Variants in SERBP1 observed in about 807,000 individuals in gnomAD.
The protein encoded by SERBP1 is SERPINE1 mRNA-binding protein 1.
SERBP1 carries 6 observed loss-of-function variants against 50.2 expected under a neutral mutation model. The observed-to-expected ratio is 0.12, with a 90% confidence interval of 0.07 to 0.24. The LOEUF (loss-of-function observed/expected upper bound fraction) is 0.24. SERBP1 is among the 10% of genes least tolerant of loss of function. The pLI, the probability that SERBP1 is intolerant of heterozygous loss-of-function variation, is 1.00. For missense variants in SERBP1, 346 were observed against 524.9 expected (o/e 0.66, Z 3.33); for synonymous variants, 168 against 182.8 (o/e 0.92, Z 0.65).
At position 67,424,265 on chromosome 1, in the gene SERBP1, T is replaced by C. The variant is rs1375387124; in HGVS notation, c.708A>G (p.Gln236=). 1.2e-6 allele frequency: 2 copies of C among 1,611,416 alleles called. No individual in the cohort carries two copies. The highest frequency in any genetic ancestry group is 1.1e-5 in the South Asian group (1 of 90,740). The change falls in exon 5 of 8, where the codon CAA becomes CAG. Residue 236 remains glutamine, a synonymous_variant. Transcript: ENST00000361219. ...CAGGTGTTTCCTCAGTCACATTTGATTGATCCAAGTCACTGTAATTATAAG... is the reference window on the plus strand; with the variant it reads ...CAGGTGTTTCCTCAGTCACATTTGACTGATCCAAGTCACTGTAATTATAAG... ...TVKDELTDLD[Q]SNVTEETPEG...
rs1666881361 is a variant in SERBP1, at chr1:67,412,692, T to C, written c.*515A>G. 1 of 152,794 alleles carries C rather than the reference T, an allele frequency of 6.5e-6. No homozygotes were observed. The highest frequency in any genetic ancestry group is 2.4e-5 in the African/African-American group (1 of 41,456). The allele number at this position is 152,794 out of a possible 1,614,324, so 9.5% of individuals were successfully genotyped here. On this transcript the variant is annotated 3_prime_UTR_variant, in exon 8 of 8. Transcript: ENST00000361219. ...AAAACTAAGTTAAAATACATATAGT[T>C]AGTATTCCACACAGCATAAAATTTG...
chr1:67,415,313 G>A lies in SERBP1; in HGVS notation c.978C>T (p.Asp326=), dbSNP rs140774364. Residue 326 remains aspartate (D), a synonymous_variant, in exon 7 of 8, where the codon GAC becomes GAT. Coordinates refer to ENST00000361219, the MANE Select transcript of SERBP1 (RefSeq NM_001018069.2). The part of the protein sequence containing the change: ...EEAHAEDSVM[D]HHFRKPANDI... The stretch of plus-strand genomic sequence containing the variant: ...CATTTGCTGGCTTCCGGAAATGATG[G>A]TCCATAACCGAATCTTCAGCATGAG... 8.1e-6 allele frequency: 13 copies of A among 1,599,792 alleles called. No homozygotes were observed. Among genetic ancestry groups the A allele is most frequent in the Admixed American group, 1.8e-5 (1 of 57,028 alleles).
At position 67,415,358 on chromosome 1, in the gene SERBP1, A is replaced by T; in HGVS notation, c.952-19T>A. On this transcript the variant is annotated intron_variant, in intron 6 of 7. Transcript: ENST00000361219. Reference sequence around the variant, plus strand: ...CATGAGCCTAAAAATATAAGTGAAGATGATTGTGTTATTAGTAGAAAAGTA... The same window carrying T: ...CATGAGCCTAAAAATATAAGTGAAGTTGATTGTGTTATTAGTAGAAAAGTA... 1 of 1,540,890 alleles carries T rather than the reference A, an allele frequency of 6.5e-7. No individual in the cohort carries two copies. Among genetic ancestry groups the T allele is most frequent in the Non-Finnish European group, 8.7e-7 (1 of 1,143,172 alleles).
chr1:67,415,028 TATAA>T (rs1451427854), intron 7 of SERBP1, 134 bp downstream of exon 7: 1 of 933,648 alleles, frequency 1.1e-6, no homozygotes, highest in Non-Finnish European at 1.5e-6. Flanking sequence ...TAAACATAAA[TATAA>T]CCTAACATGC....
Position 67,420,010 on chromosome 1 carries a change from T to G in SERBP1, c.950A>C (p.Glu317Ala), listed in dbSNP as rs375936718. ...GFVLHKSKSEEAHAEDSVMDH... is the reference protein window; with the variant it reads ...GFVLHKSKSEAAHAEDSVMDH... ...AAACACGACAAAACTTAATTTTACCTCTTCACTCTTTGATTTATGAAGAAC... is the reference window on the plus strand; with the variant it reads ...AAACACGACAAAACTTAATTTTACCGCTTCACTCTTTGATTTATGAAGAAC... The change falls in exon 6 of 8, where the codon GAG becomes GCG. Residue 317 changes from glutamate (E) to alanine (A), a missense_variant and splice_region_variant. Coordinates refer to ENST00000361219, the MANE Select transcript of SERBP1 (RefSeq NM_001018069.2). 6.2e-7 allele frequency: 1 copy of G among 1,613,066 alleles called. No homozygotes were observed. Among genetic ancestry groups the G allele is most frequent in the African/African-American group, 1.3e-5 (1 of 74,902 alleles).
chr1:67,412,231 G>C lies in SERBP1; in HGVS notation c.*976C>G, dbSNP rs551675820. On this transcript the variant is annotated 3_prime_UTR_variant, in exon 8 of 8. Transcript: ENST00000361219. ...TATGGATGTACCATTTTGATTTTGGGACCTTTCACACACAGAAATCATACC... is the reference window on the plus strand; with the variant it reads ...TATGGATGTACCATTTTGATTTTGGCACCTTTCACACACAGAAATCATACC... The C allele has an allele frequency of 2.0e-4, 30 of 152,686 alleles. No individual in the cohort carries two copies. The highest frequency in any genetic ancestry group is 1.8e-3 in the Admixed American group (28 of 15,292). 9.5% of individuals were successfully genotyped at this position (152,686 alleles called of 1,614,324 possible).
At chr1:67,425,430 G>A (rs933743308) in intron 2 of SERBP1, among the ~76,000 whole-genome samples, 13 of 152,198 alleles carry the variant, frequency 8.5e-5, no homozygotes, top group Non-Finnish European at 7.3e-5. Context: ...AACTATTTTA[G>A]CACTCTAAAG....
At chr1:67,417,771 G>A (rs1056078363) in intron 6 of SERBP1, among the ~76,000 whole-genome samples, 2 of 151,790 alleles carry the variant, frequency 1.3e-5, no homozygotes, top group Non-Finnish European at 2.9e-5. Flanking sequence ...TCAGCCTCCC[G>A]AAGTGCTGGG....
At chr1:67,424,501 A>G in intron 4 of SERBP1, 1 of 534,074 alleles carries the variant, frequency 1.9e-6, no homozygotes, top group Non-Finnish European at 3.2e-6. Flanking sequence ...TTCATACTTA[A>G]AAAGTAACAG....
rs900345446 is a variant in SERBP1 at position 67,410,330 on chromosome 1, C to T, written c.*2877G>A. 5 of 152,098 alleles carry T rather than the reference C, an allele frequency of 3.3e-5. No homozygotes were observed. The highest frequency in any genetic ancestry group is 1.2e-4 in the African/African-American group (5 of 41,408). 9.4% of individuals were successfully genotyped at this position (152,098 alleles called of 1,614,324 possible). A position where few individuals can be genotyped will look rare whatever the true frequency, so the allele number is the denominator to read the frequency against. ...AACTCCCTGTTCTATTTCAGTGCAA[C>T]CATCTCTGGCAACTAGAAAAATAAC... On this transcript the variant is annotated 3_prime_UTR_variant, in exon 8 of 8. Coordinates refer to ENST00000361219, the MANE Select transcript of SERBP1 (RefSeq NM_001018069.2).
At chr1:67,419,699 T>C (rs995910216) in intron 6 of SERBP1, 2 of 275,090 alleles carry the variant, frequency 7.3e-6, no homozygotes, top group Non-Finnish European at 1.4e-5. Context: ...ATTTCAAAAA[T>C]ACAACCACAA....
At chr1:67,414,261 G>C (rs1666932630) in intron 7 of SERBP1, among the ~76,000 whole-genome samples, 2 of 152,020 alleles carry the variant, frequency 1.3e-5, no homozygotes, top group Non-Finnish European at 2.9e-5. Flanking sequence ...CATCAAGGTT[G>C]AAAGTCTGAA....
intron 5 of SERBP1, among the ~76,000 whole-genome samples, chr1:67,422,095 C>T: frequency 6.6e-6 from 1 of 152,120 alleles, no homozygotes; most frequent in East Asian, 1.9e-4. Context: ...AAAACATCAC[C>T]CAATACCATG....
Position 67,425,088 on chromosome 1 carries a change from A to C in SERBP1, c.600T>G (p.Asp200Glu). The C allele has an allele frequency of 6.2e-7, 1 of 1,610,070 alleles. No homozygotes were observed. The highest frequency in any genetic ancestry group is 8.5e-7 in the Non-Finnish European group (1 of 1,179,232). ...KREFDRHSGS[D>E]RSSFSHYSGL... ...TAAAAACCAGTAAGACTTACGATCT[A>C]TCACTTCCACTATGCCTATCAAATT... Residue 200 changes from aspartate to glutamate, a missense_variant, in exon 3 of 8, where the codon GAT (aspartate) becomes GAG (glutamate). Asp to Glu is a conservative substitution (Grantham distance 45). This residue lies in a region of SERBP1 where 257 missense variants were observed against 331.2 expected (regional missense o/e 0.78). Coordinates refer to ENST00000361219, the MANE Select transcript of SERBP1 (RefSeq NM_001018069.2).
At position 67,415,317 on chromosome 1, in the gene SERBP1, A is replaced by G; in HGVS notation, c.974T>C (p.Met325Thr). 1 of 1,599,036 alleles carries G rather than the reference A, an allele frequency of 6.3e-7. No individual in the cohort carries two copies. The highest frequency in any genetic ancestry group is 8.5e-7 in the Non-Finnish European group (1 of 1,173,668). The change falls in exon 7 of 8, where the codon ATG becomes ACG. Residue 325 changes from methionine (M) to threonine (T), a missense_variant. Coordinates refer to ENST00000361219, the MANE Select transcript of SERBP1 (RefSeq NM_001018069.2). Reference sequence around the variant, plus strand: ...TGCTGGCTTCCGGAAATGATGGTCCATAACCGAATCTTCAGCATGAGCCTA... The same window carrying G: ...TGCTGGCTTCCGGAAATGATGGTCCGTAACCGAATCTTCAGCATGAGCCTA... ...SEEAHAEDSVMDHHFRKPAND... is the reference protein window; with the variant it reads ...SEEAHAEDSVTDHHFRKPAND...
intron 5 of SERBP1, among the ~76,000 whole-genome samples, chr1:67,422,516 AAAAAAAG>A (rs1398330650): frequency 3.9e-5 from 6 of 152,048 alleles, no homozygotes; most frequent in East Asian, 1.9e-4. Context: ...ATCTCAAAAA[AAAAAAAG>A]AAAAAAGAAA....
At chr1:67,422,084 C>G (rs929968225) in intron 5 of SERBP1, among the ~76,000 whole-genome samples, 2 of 152,134 alleles carry the variant, frequency 1.3e-5, no homozygotes, top group African/African-American at 2.4e-5. Context: ...TTACCAAGTT[C>G]AAAACATCAC....
chr1:67,426,372 C>A, intron 1 of SERBP1, 87 bp from the exon 2 acceptor site: 3 of 1,296,324 alleles, frequency 2.3e-6, no homozygotes, highest in Non-Finnish European at 3.1e-6. Context: ...GCTTCTCTTC[C>A]AATCCACTAC....
chr1:67,423,695 T>C (rs1160918144), intron 5 of SERBP1, among the ~76,000 whole-genome samples: 1 of 152,152 alleles, frequency 6.6e-6, no homozygotes, highest in Non-Finnish European at 1.5e-5. Flanking sequence ...AGTAATGCTA[T>C]GTTCCAAATT....
Sources: gnomAD v4.1 joint callset for allele counts (sites outside exome capture counted in the v4.1 genomes callset) on GRCh38, gnomAD v4.1.1 for gene constraint, gnomAD v4.1.1 regional missense constraint, MANE v1.5 for transcripts, NCBI Gene and HGNC (gene_info 2026-07-23, HGNC 2026-07-21) for gene names.